Variants in SLC16A5 observed in about 807,000 individuals in gnomAD.
SLC16A5 encodes the protein monocarboxylate transporter 6.
In SLC16A5, 29 loss-of-function variants were observed where a neutral mutation model predicts 33.2. The observed-to-expected ratio is 0.87, with a 90% confidence interval of 0.65 to 1.19. The LOEUF (loss-of-function observed/expected upper bound fraction) is 1.19, where lower values mean the gene tolerates loss of function less well. SLC16A5 is among the 50% of genes most tolerant of loss of function. The probability of loss-of-function intolerance (pLI) is 0.00; values close to 1 mark genes in which losing one functional copy is unlikely to be tolerated. For synonymous variants in SLC16A5, 248 were observed against 284.1 expected (o/e 0.87, Z 1.28); for missense variants, 606 against 678.2 (o/e 0.89, Z 1.18).
chr17:75,093,687 G>T lies in SLC16A5; in HGVS notation c.51G>T (p.Leu17=). The change falls in exon 3 of 7, where the codon CTG becomes CTT. Residue 17 remains leucine, a synonymous_variant. Coordinates refer to ENST00000329783, the MANE Select transcript of SLC16A5 (RefSeq NM_004695.4). ...RADGSWAWVV[L]LATMVTQGLT... is the part of the protein sequence containing the mutation. Reference sequence around the variant, plus strand: ...ATGGCAGCTGGGCCTGGGTGGTGCTGCTGGCCACCATGGTGACCCAGGGCC... The same window carrying T: ...ATGGCAGCTGGGCCTGGGTGGTGCTTCTGGCCACCATGGTGACCCAGGGCC... The T allele has an allele frequency of 1.2e-6, 2 of 1,613,980 alleles. No homozygotes were observed. The highest frequency in any genetic ancestry group is 1.7e-6 in the Non-Finnish European group (2 of 1,179,988).
intron 4 of SLC16A5, among the ~76,000 whole-genome samples, chr17:75,099,585 A>G (rs577951917): frequency 7.2e-5 from 11 of 152,178 alleles, no homozygotes; most frequent in African/African-American, 2.4e-4. Context: ...ATTACAGACT[A>G]CAGGCGCCTG....
chr17:75,098,149 G>A lies in SLC16A5; in HGVS notation c.311G>A (p.Ser104Asn), dbSNP rs749642678. The change falls in exon 4 of 7, where the codon AGC becomes AAC. Residue 104 changes from serine to asparagine, a missense_variant. Physicochemically the swap from Ser to Asn is conservative, Grantham distance 46. Coordinates refer to ENST00000329783, the MANE Select transcript of SLC16A5 (RefSeq NM_004695.4). ...MVASSFSHNL[S>N]QLYFTAGFIT... ...GCCAGCTCCTTCTCTCACAACCTCAGCCAGCTCTACTTCACAGCAGGATTC... is the reference window on the plus strand; with the variant it reads ...GCCAGCTCCTTCTCTCACAACCTCAACCAGCTCTACTTCACAGCAGGATTC... The A allele has an allele frequency of 8.1e-6, 13 of 1,612,384 alleles. No individual in the cohort carries two copies. In the East Asian group the frequency reaches 2.9e-4, roughly 36 times the overall value.
In SLC16A5 at chr17:75,093,575, T is replaced by A; in HGVS notation, c.-48-14T>A. The A allele has an allele frequency of 6.4e-7, 1 of 1,563,294 alleles. No homozygotes were observed. Among genetic ancestry groups the A allele is most frequent in the Non-Finnish European group, 8.6e-7 (1 of 1,159,992 alleles). On this transcript the variant is annotated splice_polypyrimidine_tract_variant and intron_variant, in intron 2 of 6. Transcript: ENST00000329783. ...GCCTGCTGACCACCAGGCTCCATTC[T>A]GTCCCCTCCCCAGGCAGCAGCCACA...
intron 3 of SLC16A5, 60 bp downstream of exon 3, chr17:75,093,895 C>T (rs1052561798): frequency 1.3e-6 from 2 of 1,561,388 alleles, no homozygotes; most frequent in East Asian, 2.3e-5. Context: ...AAGCCACAAC[C>T]TCCCTGGCCT....
chr17:75,106,761 A>G (rs979873992), downstream of SLC16A5, among the ~76,000 whole-genome samples: 1 of 151,848 alleles, frequency 6.6e-6, no homozygotes, highest in Non-Finnish European at 1.5e-5. Context: ...CAGGCGTGGT[A>G]GCAGTCGCCT....
chr17:75,087,674 G>C (rs944687656), upstream of SLC16A5: 1 of 152,226 alleles, frequency 6.6e-6, no homozygotes, highest in Non-Finnish European at 1.5e-5. Context: ...TCTCTTTATG[G>C]CATGTTATCT....
intron 3 of SLC16A5, among the ~76,000 whole-genome samples, 185 bp downstream of exon 3, chr17:75,094,020 G>A (rs2073682164): frequency 1.3e-5 from 2 of 152,348 alleles, no homozygotes; most frequent in South Asian, 2.1e-4. Context: ...GCTGGAGCCG[G>A]GGAGAGAGTG....
At position 75,105,986 on chromosome 17, in the gene SLC16A5, G is replaced by A. The variant is rs115383053; in HGVS notation, c.1471G>A (p.Val491Ile). The change falls in exon 7 of 7, where the codon GTA (valine) becomes ATA (isoleucine). Residue 491 changes from valine (V) to isoleucine (I), a missense_variant. Physicochemically the swap from Val to Ile is conservative, Grantham distance 29. Transcript: ENST00000329783. ...TGAGTGGCTCTTATGGCCAAAGGCG[G>A]TACTGCAGGCCAAGCAAACGGCTCT... The part of the protein sequence containing the change: ...SHEWLLWPKA[V>I]LQAKQTALGW... 74 of 1,607,752 alleles carry A rather than the reference G, an allele frequency of 4.6e-5. No individual in the cohort carries two copies. The highest frequency in any genetic ancestry group is 6.1e-5 in the Non-Finnish European group (72 of 1,176,210).
chr17:75,107,454 A>G (rs2073871800), downstream of SLC16A5, among the ~76,000 whole-genome samples: 1 of 152,212 alleles, frequency 6.6e-6, no homozygotes, highest in Non-Finnish European at 1.5e-5. Context: ...CAGAGGTAAG[A>G]CCTACCAAGG....
At chr17:75,095,539 C>G (rs1019631138) in intron 3 of SLC16A5, among the ~76,000 whole-genome samples, 7 of 152,150 alleles carry the variant, frequency 4.6e-5, no homozygotes, top group African/African-American at 1.7e-4. Flanking sequence ...ACTCTGTCAC[C>G]TGGGCTGGAG....
chr17:75,095,102 G>A (rs1434594821), intron 3 of SLC16A5, among the ~76,000 whole-genome samples: 1 of 152,206 alleles, frequency 6.6e-6, no homozygotes, highest in African/African-American at 2.4e-5. Flanking sequence ...CTACCTCCTG[G>A]CTACTCCCTC....
intron 2 of SLC16A5, 182 bp from the exon 3 acceptor site, chr17:75,093,407 G>A (rs778609605): frequency 4.6e-6 from 7 of 1,535,816 alleles, no homozygotes; most frequent in Non-Finnish European, 6.1e-6. Context: ...GGAAGTGGGT[G>A]AAAGGAGATG....
chr17:75,108,250 C>G (rs2073877969), downstream of SLC16A5, among the ~76,000 whole-genome samples: 1 of 152,158 alleles, frequency 6.6e-6, no homozygotes, highest in African/African-American at 2.4e-5. Context: ...TCCATCCTCC[C>G]TGTTTCTGGG....
chr17:75,103,951 C>T lies in SLC16A5; in HGVS notation c.1154-19C>T, dbSNP rs375466414. On this transcript the variant is annotated intron_variant, in intron 5 of 6. Transcript: ENST00000329783. Reference sequence around the variant, plus strand: ...GGGAGGCCTGGTAGCACTGGCCTAACTTGATCTCTGTTCCCCAGGGTTGCT... The same window carrying T: ...GGGAGGCCTGGTAGCACTGGCCTAATTTGATCTCTGTTCCCCAGGGTTGCT... 4 of 1,611,854 alleles carry T rather than the reference C, an allele frequency of 2.5e-6. No homozygotes were observed. Among genetic ancestry groups the T allele is most frequent in the African/African-American group, 1.3e-5 (1 of 74,870 alleles).
At chr17:75,099,951 G>C (rs2073768029) in intron 4 of SLC16A5, 56 bp from the exon 5 acceptor site, 2 of 1,517,146 alleles carry the variant, frequency 1.3e-6, no homozygotes, top group Non-Finnish European at 1.8e-6. Flanking sequence ...CCACCCCTGG[G>C]TGCAGGTGGA....
At chr17:75,109,866 G>C (rs1211675960), downstream of SLC16A5, 1 of 196,620 alleles carries the variant, frequency 5.1e-6, no homozygotes, top group South Asian at 8.6e-5. This position sits in a 1 kb window ranked among gnomAD's most constrained non-coding sequence, Gnocchi z 5.0. Flanking sequence ...AAAGAGCTTC[G>C]GCATCCAGAA....
intron 3 of SLC16A5, among the ~76,000 whole-genome samples, chr17:75,097,763 G>T (rs990225848): frequency 2.0e-5 from 3 of 152,200 alleles, no homozygotes; most frequent in Non-Finnish European, 4.4e-5. Context: ...GTAGTTCAGG[G>T]TCTTGCTCCA....
chr17:75,105,544 C>T (rs886098762), intron 6 of SLC16A5: 65 of 985,264 alleles, frequency 6.6e-5, no homozygotes, highest in Non-Finnish European at 7.7e-5. Flanking sequence ...CTGTGACTGG[C>T]GGTCCAAGCT....
chr17:75,108,106 GAA>G (rs937556114), downstream of SLC16A5, among the ~76,000 whole-genome samples: 1 of 151,854 alleles, frequency 6.6e-6, no homozygotes, highest in African/African-American at 2.4e-5. Flanking sequence ...ATCTCAAAAA[GAA>G]AAAAAGGGAG....
Sources: gnomAD v4.1 joint callset for allele counts (sites outside exome capture counted in the v4.1 genomes callset) on GRCh38, gnomAD v4.1.1 for gene constraint, Gnocchi (gnomAD v3.1) non-coding constraint, MANE v1.5 for transcripts, NCBI Gene and HGNC (gene_info 2026-07-23, HGNC 2026-07-21) for gene names.